Variants in CEP112 observed in about 807,000 individuals in gnomAD.
CEP112 encodes the protein centrosomal protein of 112 kDa.
Under a neutral mutation model 153.0 loss-of-function variants are expected in CEP112, and 127 were observed. The observed-to-expected ratio is 0.83, with a 90% confidence interval of 0.72 to 0.96. The LOEUF is 0.96. Among genes scored for constraint, CEP112 ranks in the 40% least tolerant of loss-of-function variants. CEP112 has a pLI of 0.00. For missense variants in CEP112, 1,089 were observed against 1,101.2 expected, an observed-to-expected ratio of 0.99 and a Z score of 0.16; for synonymous variants, 358 against 374.4, an observed-to-expected ratio of 0.96 and a Z score of 0.51.
chr17:65,673,174 T>C (rs532402712), intron 24 of CEP112, among the ~76,000 whole-genome samples: 6 of 152,134 alleles, frequency 3.9e-5, no homozygotes, highest in Non-Finnish European at 7.4e-5. Context: ...TTCACTTCCT[T>C]GGCACTACAG....
At chr17:65,660,208 T>TTCCTTCCTTCC (rs1567823892) in intron 24 of CEP112, among the ~76,000 whole-genome samples, 6 of 41,896 alleles carry the variant, frequency 1.4e-4, no homozygotes, top group African/African-American at 3.7e-4. Context: ...TCCTTCCTTC[T>TTCCTTCCTTCC]TTCCTTCCCT....
At chr17:65,679,651 C>T (rs977694899) in intron 24 of CEP112, among the ~76,000 whole-genome samples, 6 of 152,186 alleles carry the variant, frequency 3.9e-5, no homozygotes, top group Admixed American at 2.0e-4. Flanking sequence ...GATTTTCTGT[C>T]TCTATAGCAT....
chr17:65,927,785 G>C, intron 18 of CEP112, 96 bp from the exon 19 acceptor site: 1 of 585,754 alleles, frequency 1.7e-6, no homozygotes, highest in Non-Finnish European at 2.8e-6. Flanking sequence ...CAGATTTTAA[G>C]CACCTCACCA....
chr17:66,150,660 T>C (rs1323287146), intron 4 of CEP112, among the ~76,000 whole-genome samples: 2 of 152,372 alleles, frequency 1.3e-5, no homozygotes, highest in Admixed American at 1.3e-4. Context: ...ATGTGCATTC[T>C]ACAGTTATTG....
intron 18 of CEP112, among the ~76,000 whole-genome samples, chr17:65,953,294 T>C (rs986220748): frequency 2.6e-5 from 4 of 152,194 alleles, no homozygotes; most frequent in African/African-American, 9.7e-5. Flanking sequence ...TAGTGTCAAA[T>C]GGTAGAAAGT....
At chr17:66,088,307 A>G (rs911562700) in intron 8 of CEP112, among the ~76,000 whole-genome samples, 4 of 151,976 alleles carry the variant, frequency 2.6e-5, no homozygotes, top group African/African-American at 9.7e-5. Flanking sequence ...AGCCCAGCAG[A>G]CTCAGTCTCT....
At chr17:65,639,091 C>G (rs914806592) in intron 25 of CEP112, among the ~76,000 whole-genome samples, 7 of 152,012 alleles carry the variant, frequency 4.6e-5, no homozygotes, top group Non-Finnish European at 8.8e-5. Context: ...CAGGCGTGAA[C>G]AAAATTTCAT....
intron 21 of CEP112, among the ~76,000 whole-genome samples, chr17:65,803,051 G>C (rs2055374373): frequency 6.6e-6 from 1 of 152,234 alleles, no homozygotes; most frequent in African/African-American, 2.4e-5. Context: ...ATGAGCCATG[G>C]AGTACTGAGC....
chr17:65,791,563 A>C (rs1457840896), intron 21 of CEP112, among the ~76,000 whole-genome samples: 1 of 152,228 alleles, frequency 6.6e-6, no homozygotes, highest in African/African-American at 2.4e-5. Context: ...GTTTCTATGA[A>C]AACTTTTTCT....
chr17:65,932,015 C>A (rs2061143221), intron 18 of CEP112, among the ~76,000 whole-genome samples: 1 of 152,158 alleles, frequency 6.6e-6, no homozygotes, highest in Non-Finnish European at 1.5e-5. Flanking sequence ...ACCACCATGC[C>A]AGGGAACCCA....
chr17:66,058,813 T>C (rs902370482), intron 11 of CEP112, among the ~76,000 whole-genome samples: 14 of 151,990 alleles, frequency 9.2e-5, no homozygotes, highest in African/African-American at 2.4e-4. Flanking sequence ...TATGGTGCCA[T>C]TGCACTCCAG....
intron 20 of CEP112, among the ~76,000 whole-genome samples, chr17:65,867,515 CA>C (rs1318848197): frequency 1.3e-5 from 2 of 152,066 alleles, no homozygotes; most frequent in Non-Finnish European, 2.9e-5. Flanking sequence ...GTCATTATTA[CA>C]AAGACCAATT....
At chr17:66,100,724 C>T (rs771840491) in intron 6 of CEP112, among the ~76,000 whole-genome samples, 6 of 152,064 alleles carry the variant, frequency 3.9e-5, no homozygotes, top group Non-Finnish European at 7.4e-5. Context: ...CTAAGACCAT[C>T]GACTGAAACA....
At chr17:66,181,663 C>CT (rs1256849450) in intron 2 of CEP112, among the ~76,000 whole-genome samples, 1 of 151,954 alleles carries the variant, frequency 6.6e-6, no homozygotes, top group East Asian at 1.9e-4. Flanking sequence ...CCCCTAAAAT[C>CT]TTTTTTTAAA....
At chr17:65,742,159 C>T (rs1192269970) in intron 23 of CEP112, among the ~76,000 whole-genome samples, 6 of 151,968 alleles carry the variant, frequency 3.9e-5, no homozygotes, top group Non-Finnish European at 5.9e-5. Context: ...CTCTTCCCAA[C>T]GTTACTCAGA....
Position 65,994,808 on chromosome 17 carries a change from T to C in CEP112, c.1736+10882A>G, listed in dbSNP as rs145212801. 4.2e-3 allele frequency among the ~76,000 whole-genome samples: 644 copies of C among 152,242 alleles called. 2 individuals are homozygous for C. The highest frequency in any genetic ancestry group is 7.9e-3 in the South Asian group (38 of 4,820). On this transcript the variant is annotated intron_variant, in intron 17 of 26. Coordinates refer to ENST00000535342, the MANE Select transcript of CEP112 (RefSeq NM_001199165.4). ...GTTTCAACACTCCCTGTCAAGTGAT[T>C]ACAATACTAAGTGATCATTTGGGGC...
chr17:66,104,197 T>G (rs549433041), intron 6 of CEP112, among the ~76,000 whole-genome samples: 1 of 152,246 alleles, frequency 6.6e-6, no homozygotes, highest in East Asian at 1.9e-4. Context: ...CAACACAGTT[T>G]GCAGCTCTGA....
At chr17:65,712,661 C>CA (rs942799772) in intron 23 of CEP112, among the ~76,000 whole-genome samples, 18 of 151,798 alleles carry the variant, frequency 1.2e-4, no homozygotes, top group South Asian at 2.1e-4. Context: ...TGAGCAACAA[C>CA]AAAAAAAACC....
chr17:66,019,038 T>C (rs1296348988), intron 16 of CEP112, among the ~76,000 whole-genome samples: 1 of 152,194 alleles, frequency 6.6e-6, no homozygotes, highest in Non-Finnish European at 1.5e-5. Context: ...TACTTATTAT[T>C]TGTTTGATGT....
Sources: allele counts gnomAD v4.1 joint callset (sites outside exome capture counted in the v4.1 genomes callset), GRCh38; gene constraint gnomAD v4.1.1; transcripts MANE v1.5; gene names NCBI Gene and HGNC (gene_info 2026-07-23, HGNC 2026-07-21).